The following PERM1 variants were observed in gnomAD, a reference collection of about 807,000 sequenced individuals.
The protein encoded by PERM1 is PPARGC1 and ESRR induced regulator, muscle 1, also known as PGC-1 and ERR-induced regulator in muscle protein 1.
Under a neutral mutation model 44.1 loss-of-function variants are expected in PERM1, and 45 were observed. That is an observed-to-expected ratio of 1.02 (90% CI 0.80 to 1.31). The LOEUF is 1.31. Among genes scored for constraint, PERM1 ranks in the 50% most tolerant of loss-of-function variants. The pLI, the probability that PERM1 is intolerant of heterozygous loss-of-function variation, is 0.00. For synonymous variants in PERM1, 565 were observed against 477.1 expected, an observed-to-expected ratio of 1.18 and a Z score of -2.40; for missense variants, 1,189 against 1,106.9, an observed-to-expected ratio of 1.07 and a Z score of -1.05.
upstream of PERM1, chr1:981,190 A>G (rs1272872869): frequency 2.5e-5 from 39 of 1,542,340 alleles, no homozygotes; most frequent in South Asian, 1.2e-4. Flanking sequence ...GGAAGAGAAC[A>G]GCATCTCGAG....
chr1:979,274 A>T, exon 1 of PERM1: 1 of 1,549,532 alleles, frequency 6.5e-7, no homozygotes, highest in Non-Finnish European at 8.7e-7. Flanking sequence ...CAGAAGAAGA[A>T]CTCGTAGGCC....
rs764719240 is a variant in PERM1, at chr1:976,133, G to A, written c.*39C>T. ...CGTCCTGCCCTGGGCGCCTGTGGTC[G>A]TCTCCTCATCCTGCATCTCCCTGGC... On this transcript the variant is annotated 3_prime_UTR_variant, in exon 3 of 3. Transcript: ENST00000433179. 103 of 1,537,744 alleles carry A rather than the reference G, an allele frequency of 6.7e-5. No homozygotes were observed. The South Asian group carries it at 1.2e-3, about 17-fold the overall frequency.
At chr1:975,961 CTT>C (rs1643585715) in exon 3 of PERM1, 1 of 563,806 alleles carries the variant, frequency 1.8e-6, no homozygotes, top group African/African-American at 2.0e-5. Context: ...CCCACCCAGA[CTT>C]TAGCACCTCC....
intron 1 of PERM1, 56 bp downstream of exon 2, chr1:978,825 C>T (rs761366853): frequency 1.4e-6 from 2 of 1,423,826 alleles, no homozygotes; most frequent in Non-Finnish European, 1.9e-6. Flanking sequence ...TGGCCAAGAT[C>T]CCTGGACAGT....
At position 980,114 on chromosome 1, in the gene PERM1, C is replaced by T. The variant is rs758996080; in HGVS notation, c.916G>A (p.Glu306Lys). The T allele has an allele frequency of 4.8e-5, 74 of 1,549,738 alleles. 2 individuals are homozygous for T. In the South Asian group the frequency reaches 6.2e-4, roughly 13 times the overall value. The change falls in exon 1 of 3, where the codon GAG becomes AAG. Residue 306 changes from glutamate (E) to lysine (K), a missense_variant. By Grantham distance (56) the Glu-to-Lys change is moderately conservative. Around this residue, in one of 3 missense-constraint regions of PERM1, gnomAD observed 900 missense variants for 760.4 expected, o/e 1.18. Transcript: ENST00000433179. Reference sequence around the variant, plus strand: ...GCCATGTCCCTGTCAGGTTGCGGCTCGGAGGCAGGTGTAGACACAGCCATG... The same window carrying T: ...GCCATGTCCCTGTCAGGTTGCGGCTTGGAGGCAGGTGTAGACACAGCCATG...
chr1:982,085 T>G, upstream of PERM1: 6 of 1,288,012 alleles, frequency 4.7e-6, no homozygotes, highest in Non-Finnish European at 6.1e-6. Context: ...GCGGCCGAGC[T>G]GGGCGTCTGA....
At chr1:981,257 C>G (rs1643787086), upstream of PERM1, 7 of 1,428,378 alleles carry the variant, frequency 4.9e-6, no homozygotes, top group African/African-American at 1.4e-5. Context: ...TAGAAGATCC[C>G]CAGCTCCCAT....
exon 3 of PERM1, chr1:975,641 G>C (rs947897453): frequency 1.3e-5 from 2 of 155,128 alleles, no homozygotes; most frequent in African/African-American, 4.8e-5. Flanking sequence ...TGCCAGCCCA[G>C]CCCACCTGTG....
chr1:979,969 G>C (rs1167214006), exon 1 of PERM1: 1 of 1,549,312 alleles, frequency 6.5e-7, no homozygotes, highest in Non-Finnish European at 8.7e-7. Context: ...GTCCCTGTCA[G>C]GTTGCGGCTC....
upstream of PERM1, chr1:982,024 G>A: frequency 1.6e-6 from 2 of 1,285,186 alleles, no homozygotes; most frequent in Non-Finnish European, 1.0e-6. Flanking sequence ...GTTACCATTG[G>A]GGCCCCTTGG....
intron 1 of PERM1, 34 bp from the exon 3 acceptor site, chr1:976,658 G>A (rs1643621085): frequency 1.9e-5 from 29 of 1,547,794 alleles, no homozygotes; most frequent in East Asian, 1.2e-4. Context: ...CCCCACGGCT[G>A]CACTCAGAGA....
exon 3 of PERM1, chr1:975,860 C>G (rs982912206): frequency 2.8e-6 from 1 of 360,248 alleles, no homozygotes; most frequent in African/African-American, 2.1e-5. Flanking sequence ...AATGACCTCC[C>G]CACTATTGCC....
upstream of PERM1, chr1:981,212 G>A (rs758288406): frequency 4.7e-5 from 72 of 1,532,566 alleles, no homozygotes; most frequent in Middle Eastern, 1.7e-4. Flanking sequence ...GGAGGGCCGC[G>A]CTTCCTTCAA....
chr1:979,654 C>G, exon 1 of PERM1: 1 of 1,550,268 alleles, frequency 6.5e-7, no homozygotes, highest in Non-Finnish European at 8.7e-7. Context: ...GGTGGGAGGC[C>G]AGGCGAGGCC....
At chr1:978,642 G>T (rs1034323394) in intron 1 of PERM1, among the ~76,000 whole-genome samples, 1 of 152,240 alleles carries the variant, frequency 6.6e-6, no homozygotes, top group Non-Finnish European at 1.5e-5. Flanking sequence ...GCCGTCACAT[G>T]GGCCCGAACA....
At chr1:979,236 A>G (rs1278953158) in exon 1 of PERM1, 2 of 1,550,072 alleles carry the variant, frequency 1.3e-6, no homozygotes, top group South Asian at 2.4e-5. Flanking sequence ...CTGCCGCCTC[A>G]GCCTCTTCGT....
chr1:978,908 G>T (rs765531563), exon 1 of PERM1: 2 of 1,501,668 alleles, frequency 1.3e-6, no homozygotes, highest in Non-Finnish European at 1.8e-6. Flanking sequence ...AGGTGGAGCC[G>T]CTCTACCACG....
intron 2 of PERM1, 71 bp from the exon 4 acceptor site, chr1:976,340 C>T: frequency 6.8e-7 from 1 of 1,471,700 alleles, no homozygotes; most frequent in Non-Finnish European, 9.0e-7. Context: ...AAGACCCAGC[C>T]CTCAAAGGGC....
chr1:979,975 G>A (rs1443396841), exon 1 of PERM1: 15 of 1,548,996 alleles, frequency 9.7e-6, no homozygotes, highest in East Asian at 2.5e-5. Context: ...GTCAGGTTGC[G>A]GCTCAGAGGC....
Sources: gnomAD v4.1 joint callset for allele counts (sites outside exome capture counted in the v4.1 genomes callset) on GRCh38, gnomAD v4.1.1 for gene constraint, gnomAD v4.1.1 regional missense constraint, MANE v1.5 for transcripts, NCBI Gene and HGNC (gene_info 2026-07-23, HGNC 2026-07-21) for gene names.